The following ACTN1 variants were observed in gnomAD, a reference collection of about 807,000 sequenced individuals.
ACTN1 encodes actinin alpha 1, also known as alpha-actinin-1.
A neutral mutation model predicts 119.6 loss-of-function variants in ACTN1; 30 were observed. The ratio of observed to expected loss-of-function variants is 0.25; its 90% confidence interval spans 0.19 to 0.34. The LOEUF (loss-of-function observed/expected upper bound fraction) is 0.34. ACTN1 is among the 10% of genes least tolerant of loss of function. The probability of loss-of-function intolerance (pLI) is 1.00; values close to 1 mark genes in which losing one functional copy is unlikely to be tolerated. For missense variants in ACTN1, 764 were observed against 1,223.4 expected (o/e 0.62, Z 5.60); for synonymous variants, 429 against 472.6 (o/e 0.91, Z 1.20).
intron 8 of ACTN1, 119 bp downstream of exon 8, chr14:68,902,358 C>T (rs1453338660): frequency 1.1e-6 from 1 of 876,818 alleles, no homozygotes; most frequent in Non-Finnish European, 1.9e-6. Flanking sequence ...TGCCTCTGTC[C>T]GAGAGACCAG....
At chr14:68,887,282 G>A in intron 11 of ACTN1, 1 of 325,832 alleles carries the variant, frequency 3.1e-6, no homozygotes, top group South Asian at 2.5e-5. Flanking sequence ...AAGTTATTAG[G>A]AAAACAGGAC....
At chr14:68,942,675 A>T (rs530588539) in intron 1 of ACTN1, among the ~76,000 whole-genome samples, 3 of 152,336 alleles carry the variant, frequency 2.0e-5, no homozygotes, top group African/African-American at 7.2e-5. Context: ...GGGATCCGGA[A>T]GCCCTCGTGC....
At chr14:68,972,282 C>T (rs1250045227) in intron 1 of ACTN1, among the ~76,000 whole-genome samples, 1 of 152,090 alleles carries the variant, frequency 6.6e-6, no homozygotes, top group Non-Finnish European at 1.5e-5. Flanking sequence ...CCCTTATCTT[C>T]CTCTTCTAAA....
chr14:68,904,757 A>G, intron 6 of ACTN1, 21 bp from the exon 7 acceptor site: 1 of 1,604,656 alleles, frequency 6.2e-7, no homozygotes, highest in Non-Finnish European at 8.5e-7. Flanking sequence ...AAAAGGAGGA[A>G]GGGATGATAA....
At chr14:68,901,405 AC>A (rs1017856403) in intron 8 of ACTN1, among the ~76,000 whole-genome samples, 17 of 151,116 alleles carry the variant, frequency 1.1e-4, no homozygotes, top group African/African-American at 3.9e-4. Flanking sequence ...GTGCTATCAC[AC>A]CCGGCTAATT....
intron 1 of ACTN1, among the ~76,000 whole-genome samples, chr14:68,972,992 C>T (rs1217617483): frequency 6.6e-6 from 1 of 152,154 alleles, no homozygotes; most frequent in Non-Finnish European, 1.5e-5. Flanking sequence ...GCGGAAGGGG[C>T]CAGTTGGGGT....
intron 1 of ACTN1, among the ~76,000 whole-genome samples, chr14:68,949,462 A>AGGCTGT (rs2036057300): frequency 6.6e-6 from 1 of 152,192 alleles, no homozygotes; most frequent in African/African-American, 2.4e-5. Context: ...GCAGACAGCT[A>AGGCTGT]CTGTGGCAGG....
chr14:68,976,167 A>C (rs1450085226), intron 1 of ACTN1, among the ~76,000 whole-genome samples: 1 of 152,208 alleles, frequency 6.6e-6, no homozygotes, highest in Admixed American at 6.5e-5. Flanking sequence ...AGACTTGCCC[A>C]AAGTCTCAGA....
intron 1 of ACTN1, among the ~76,000 whole-genome samples, chr14:68,975,809 G>C (rs553160375): frequency 6.6e-6 from 1 of 152,320 alleles, no homozygotes; most frequent in African/African-American, 2.4e-5. Context: ...CCGTACCGAA[G>C]CATTCTTTGA....
intron 8 of ACTN1, among the ~76,000 whole-genome samples, chr14:68,899,469 A>C: frequency 8.8e-6 from 1 of 113,946 alleles, no homozygotes; most frequent in Non-Finnish European, 1.9e-5. Context: ...CACTCCACAT[A>C]CACACACCAC....
intron 8 of ACTN1, among the ~76,000 whole-genome samples, chr14:68,899,401 C>T (rs1287780844): frequency 2.0e-5 from 3 of 150,586 alleles, no homozygotes; most frequent in Non-Finnish European, 4.4e-5. Flanking sequence ...ACACCTCACA[C>T]ACTACACCCT....
In ACTN1 at chr14:68,926,493, GTGTC is replaced by G. The variant is rs542925965; in HGVS notation, c.106-825_106-822del. Among the ~76,000 whole-genome samples the G allele has an allele frequency of 5.0e-3, 755 of 152,296 alleles. 6 individuals are homozygous for G. Among genetic ancestry groups the G allele is most frequent in the African/African-American group, 0.017 (723 of 41,548 alleles). The stretch of plus-strand genomic sequence containing the variant: ...AGTTTTACATGTCCATCTAAAACAG[GTGTC>G]TCTCTCCAGCTGTCTCCACTCTGTG... On this transcript the variant is annotated intron_variant, in intron 1 of 21. Coordinates refer to ENST00000394419, the MANE Select transcript of ACTN1 (RefSeq NM_001130004.2).
At chr14:68,952,116 C>T (rs1054128393) in intron 1 of ACTN1, among the ~76,000 whole-genome samples, 1 of 152,250 alleles carries the variant, frequency 6.6e-6, no homozygotes, top group Non-Finnish European at 1.5e-5. Flanking sequence ...CAGTCTCCAG[C>T]TTTCCGGGCC....
intron 4 of ACTN1, among the ~76,000 whole-genome samples, chr14:68,911,469 A>T (rs1318731157): frequency 6.6e-6 from 1 of 152,232 alleles, no homozygotes; most frequent in Non-Finnish European, 1.5e-5. Context: ...TCACACCTAG[A>T]TCTCCATCAC....
chr14:68,891,468 T>C (rs1460223962), intron 10 of ACTN1, among the ~76,000 whole-genome samples: 1 of 152,150 alleles, frequency 6.6e-6, no homozygotes, highest in Non-Finnish European at 1.5e-5. Context: ...CGGGAAAAAA[T>C]GTTTAATTTC....
At chr14:68,961,694 C>T (rs539181788) in intron 1 of ACTN1, among the ~76,000 whole-genome samples, 143 of 152,318 alleles carry the variant, frequency 9.4e-4, no homozygotes, top group African/African-American at 3.0e-3. Flanking sequence ...GAGATTCTTG[C>T]AATACCCCCG....
In ACTN1 at chr14:68,979,028, T is replaced by C. The variant is rs1360179284; in HGVS notation, c.29A>G (p.Asn10Ser). MDHYDSQQTNDYMQPEEDWD... is the reference protein window; with the variant it reads MDHYDSQQTSDYMQPEEDWD... ...GTCCTCTTCTGGCTGCATGTAATCG[T>C]TGGTTTGCTGAGAATCATAATGGTC... Residue 10 changes from asparagine (N) to serine (S), a missense_variant, in exon 1 of 22, where the codon AAC (asparagine) becomes AGC (serine). Physicochemically the swap from Asn to Ser is conservative, Grantham distance 46 (BLOSUM62 1). Transcript: ENST00000394419. 4 of 1,603,056 alleles carry C rather than the reference T, an allele frequency of 2.5e-6. No individual in the cohort carries two copies. The highest frequency in any genetic ancestry group is 3.4e-6 in the Non-Finnish European group (4 of 1,174,340).
chr14:68,959,532 G>A (rs993809581), intron 1 of ACTN1, among the ~76,000 whole-genome samples: 2 of 151,912 alleles, frequency 1.3e-5, no homozygotes, highest in African/African-American at 2.4e-5. Flanking sequence ...TTTTTGCTTC[G>A]GCTGCCAGGA....
chr14:68,875,725 T>A (rs1171166474), intron 21 of ACTN1, among the ~76,000 whole-genome samples: 1 of 152,154 alleles, frequency 6.6e-6, no homozygotes, highest in Non-Finnish European at 1.5e-5. Flanking sequence ...GGGAACCAGT[T>A]TGAGGGAGGG....
Sources: gnomAD v4.1 joint callset for allele counts (sites outside exome capture counted in the v4.1 genomes callset) on GRCh38, gnomAD v4.1.1 for gene constraint, MANE v1.5 for transcripts, NCBI Gene and HGNC (gene_info 2026-07-23, HGNC 2026-07-21) for gene names.